The following PDK3 variants were observed in gnomAD, a reference collection of about 807,000 sequenced individuals.
PDK3 encodes the protein pyruvate dehydrogenase kinase 3.
Under a neutral mutation model 32.0 loss-of-function variants are expected in PDK3, and 12 were observed. That is an observed-to-expected ratio of 0.37 (90% CI 0.24 to 0.61). The LOEUF (loss-of-function observed/expected upper bound fraction) is 0.61. Ranked by LOEUF, PDK3 falls within the 20% of genes least tolerant of loss-of-function variation. The pLI, the probability that PDK3 is intolerant of heterozygous loss-of-function variation, is 0.65. For synonymous variants in PDK3, 122 were observed against 116.3 expected, an observed-to-expected ratio of 1.05 and a Z score of -0.31; for missense variants, 188 against 316.9, an observed-to-expected ratio of 0.59 and a Z score of 3.09.
At chrX:24,547,738 T>C (rs1923025898) in exon 12 of PDK3, 1 of 112,860 alleles carries the variant, frequency 8.9e-6, no homozygotes, top group South Asian at 3.6e-4. Context: ...ACAATTGTAT[T>C]CTAGCTAATT....
At chrX:24,480,106 C>T (rs1921215640) in intron 1 of PDK3, among the ~76,000 whole-genome samples, 1 of 111,374 alleles carries the variant, frequency 9.0e-6, no homozygotes, top group African/African-American at 3.3e-5. Context: ...GCATTGTCAC[C>T]GCCTCCCAAG....
exon 12 of PDK3, chrX:24,550,358 G>A (rs891739719): frequency 1.8e-5 from 2 of 112,019 alleles, no homozygotes; most frequent in Non-Finnish European, 3.8e-5. Context: ...AATGTTCCCC[G>A]GAAGTTGCAG....
chrX:24,534,607 G>A (rs1024719182), downstream of PDK3, among the ~76,000 whole-genome samples: 2 of 112,425 alleles, frequency 1.8e-5, no homozygotes, highest in Non-Finnish European at 3.8e-5. Flanking sequence ...GCACAACAGC[G>A]TGAATGTACT....
At chrX:24,539,220 C>T, downstream of PDK3, 5 of 796,852 alleles carry the variant, frequency 6.3e-6, no homozygotes, top group Non-Finnish European at 9.3e-6. Flanking sequence ...GCAAGTCAAA[C>T]AGAGAGAACT....
At chrX:24,520,450 T>C (rs1922369348) in intron 6 of PDK3, among the ~76,000 whole-genome samples, 1 of 112,247 alleles carries the variant, frequency 8.9e-6, no homozygotes, top group Non-Finnish European at 1.9e-5. Context: ...GTGGAGTTCA[T>C]TGGAAAATAT....
At chrX:24,506,728 GT>G (rs1157992143) in intron 5 of PDK3, among the ~76,000 whole-genome samples, 1 of 98,951 alleles carries the variant, frequency 1.0e-5, no homozygotes, top group Non-Finnish European at 2.0e-5. Flanking sequence ...TCAATTCAGT[GT>G]TTTTTAGTGT....
intron 1 of PDK3, among the ~76,000 whole-genome samples, chrX:24,494,091 C>T (rs1386132740): frequency 8.9e-6 from 1 of 112,450 alleles, no homozygotes; most frequent in Admixed American, 9.4e-5. Context: ...GGTCAACCCA[C>T]ATCTTACCCT....
rs1164300946 is a variant in PDK3 at position 24,526,225 on chromosome X, T to C, written c.701T>C (p.Val234Ala). The C allele has an allele frequency of 1.7e-6, 2 of 1,205,513 alleles. No individual in the cohort carries two copies. The highest frequency in any genetic ancestry group is 3.5e-5 in the African/African-American group (2 of 57,275). Residue 234 changes from valine (V) to alanine (A), a missense_variant, in exon 7 of 11, where the codon GTG becomes GCG. By Grantham distance (64) the Val-to-Ala change is moderately conservative (BLOSUM62 0). Transcript: ENST00000379162. Reference sequence around the variant, plus strand: ...AAAGCGCCAGACAAACCTATTCAGGTGGTTTATGTGCCCTCACATCTGTTT... The same window carrying C: ...AAAGCGCCAGACAAACCTATTCAGGCGGTTTATGTGCCCTCACATCTGTTT... ...NAKAPDKPIQ[V>A]VYVPSHLFHM...
chrX:24,531,108 C>T (rs2148203083), intron 9 of PDK3, among the ~76,000 whole-genome samples: 1 of 109,445 alleles, frequency 9.1e-6, no homozygotes, highest in East Asian at 2.9e-4. Flanking sequence ...CTCTGTCGCC[C>T]AGGCTGGAGT....
chrX:24,524,547 G>A (rs1922476871), intron 6 of PDK3, among the ~76,000 whole-genome samples: 1 of 112,038 alleles, frequency 8.9e-6, no homozygotes, highest in Non-Finnish European at 1.9e-5. Flanking sequence ...CATTGTTATT[G>A]CATTAATAGG....
intron 9 of PDK3, among the ~76,000 whole-genome samples, chrX:24,530,062 G>A (rs945120416): frequency 3.6e-5 from 4 of 111,531 alleles, no homozygotes; most frequent in African/African-American, 1.3e-4. Flanking sequence ...CGGAGTTCTC[G>A]GCTCTTCTGT....
chrX:24,533,816 T>C (rs1378257651), intron 10 of PDK3, 113 bp from the exon 11 acceptor site: 2 of 816,836 alleles, frequency 2.4e-6, no homozygotes, highest in Non-Finnish European at 3.3e-6. Context: ...AATATCATTT[T>C]GAAAATATGT....
chrX:24,524,174 G>A (rs1191738266), intron 6 of PDK3, among the ~76,000 whole-genome samples: 2 of 112,308 alleles, frequency 1.8e-5, no homozygotes, highest in Admixed American at 9.5e-5. Context: ...TTGATGTTAT[G>A]TATAATATGC....
chrX:24,479,648 G>A (rs1037173714), intron 1 of PDK3, among the ~76,000 whole-genome samples: 4 of 110,553 alleles, frequency 3.6e-5, no homozygotes, highest in Non-Finnish European at 5.7e-5. Context: ...TTAGCCAGGC[G>A]GTGGCACGTG....
At chrX:24,491,541 C>T (rs1403392089) in intron 1 of PDK3, among the ~76,000 whole-genome samples, 2 of 110,446 alleles carry the variant, frequency 1.8e-5, no homozygotes, top group East Asian at 2.9e-4. Flanking sequence ...GATAAGATAT[C>T]GAGGGTAGGG....
chrX:24,469,617 A>T (rs933663098), intron 1 of PDK3, among the ~76,000 whole-genome samples: 3 of 109,687 alleles, frequency 2.7e-5, no homozygotes, highest in Non-Finnish European at 5.7e-5. Context: ...TCTCTAAAAA[A>T]AATAATAATA....
At chrX:24,538,862 A>G (rs2148206133), downstream of PDK3, among the ~76,000 whole-genome samples, 1 of 111,759 alleles carries the variant, frequency 8.9e-6, no homozygotes, top group Non-Finnish European at 1.9e-5. Flanking sequence ...ACTTTAGCAT[A>G]TTTTCATCAC....
rs768552981 is a variant in PDK3, at chrX:24,500,997, A to T, written c.320+2097A>T. Among the ~76,000 whole-genome samples the T allele has an allele frequency of 8.0e-5, 9 of 111,844 alleles. No homozygotes were observed. In the South Asian group the frequency reaches 2.7e-3, roughly 33 times the overall value. On this transcript the variant is annotated intron_variant, in intron 3 of 10. Coordinates refer to ENST00000379162, the MANE Select transcript of PDK3 (RefSeq NM_005391.5). ...TAAAGGACAAATTGTCTATTATAAA[A>T]TTTTTTGTGAATGACGATGGCCTAA...
chrX:24,487,542 T>G lies in PDK3; in HGVS notation c.107-7200T>G, dbSNP rs1002428027. Among the ~76,000 whole-genome samples the G allele has an allele frequency of 4.5e-5, 5 of 111,911 alleles. No individual in the cohort carries two copies. The Admixed American group carries it at 4.8e-4, about 11-fold the overall frequency. Reference sequence around the variant, plus strand: ...AAGCTTAAAATAATATGTTCTCAGTTATATTTTACCAATTTAAACATGGCT... The same window carrying G: ...AAGCTTAAAATAATATGTTCTCAGTGATATTTTACCAATTTAAACATGGCT... On this transcript the variant is annotated intron_variant, in intron 1 of 10. Transcript: ENST00000379162.
Sources: gnomAD v4.1 joint callset for allele counts (sites outside exome capture counted in the v4.1 genomes callset) on GRCh38, gnomAD v4.1.1 for gene constraint, MANE v1.5 for transcripts, NCBI Gene and HGNC (gene_info 2026-07-23, HGNC 2026-07-21) for gene names.